The following FAM120A variants were observed in gnomAD, a reference collection of about 807,000 sequenced individuals.
FAM120A encodes family with sequence similarity 120 member A.
In FAM120A, 15 loss-of-function variants were observed where a neutral mutation model predicts 109.7. The observed-to-expected ratio is 0.14, with a 90% CI of 0.09 to 0.21. FAM120A has a LOEUF of 0.21. Among genes scored for constraint, FAM120A ranks in the 10% least tolerant of loss-of-function variants. FAM120A has a pLI of 1.00. For synonymous variants in FAM120A, 493 were observed against 572.8 expected (o/e 0.86, Z 1.99); for missense variants, 899 against 1,439.3 (o/e 0.62, Z 6.07).
At chr9:93,496,654 G>A (rs1007392195) in intron 3 of FAM120A, among the ~76,000 whole-genome samples, 2 of 152,156 alleles carry the variant, frequency 1.3e-5, no homozygotes, top group Admixed American at 1.3e-4. Flanking sequence ...ATCCAGGACA[G>A]GATTCTTATT....
Position 93,452,887 on chromosome 9 carries a change from G to A in FAM120A, c.474+498G>A. 5.5e-6 allele frequency: 8 copies of A among 1,445,758 alleles called. No individual in the cohort carries two copies. Among genetic ancestry groups the A allele is most frequent in the Non-Finnish European group, 6.3e-6 (7 of 1,107,670 alleles). 89.6% of individuals were successfully genotyped at this position (1,445,758 alleles called of 1,614,324 possible). A position where few individuals can be genotyped will look rare whatever the true frequency, so the allele number is the denominator to read the frequency against. ...TGCAAATATCAGTGCTGCTGCCGCC[G>A]CCCTTGCCAATGTTGTTAGCCCGGT... On this transcript the variant is annotated intron_variant, in intron 1 of 17. Coordinates refer to ENST00000277165, the MANE Select transcript of FAM120A (RefSeq NM_014612.5). The surrounding 1 kb of genome is among the most constrained non-coding windows in gnomAD (Gnocchi z 7.0).
chr9:93,518,394 C>A (rs1417898781), intron 7 of FAM120A, among the ~76,000 whole-genome samples: 2 of 152,096 alleles, frequency 1.3e-5, no homozygotes, highest in Non-Finnish European at 2.9e-5. Flanking sequence ...CATAAGAGAA[C>A]AAAGAATTGC....
intron 3 of FAM120A, among the ~76,000 whole-genome samples, chr9:93,483,966 A>T (rs973330161): frequency 2.6e-5 from 4 of 152,110 alleles, no homozygotes; most frequent in African/African-American, 9.7e-5. Flanking sequence ...TTAAAATAAA[A>T]CTGGAAAGCT....
chr9:93,553,419 A>G (rs1396880612), intron 12 of FAM120A, among the ~76,000 whole-genome samples: 1 of 152,252 alleles, frequency 6.6e-6, no homozygotes. Flanking sequence ...TGTCTGTGAT[A>G]CGTGTAAGAA....
intron 5 of FAM120A, among the ~76,000 whole-genome samples, chr9:93,501,421 A>G (rs1859796858): frequency 6.6e-6 from 1 of 152,222 alleles, no homozygotes; most frequent in Admixed American, 6.5e-5. Flanking sequence ...TGAGTATTTT[A>G]GAGGTGAAGT....
At chr9:93,464,750 A>AGGCAG (rs1564308167) in intron 1 of FAM120A, among the ~76,000 whole-genome samples, 1 of 152,226 alleles carries the variant, frequency 6.6e-6, no homozygotes, top group East Asian at 1.9e-4. Flanking sequence ...TTCAGCAAGG[A>AGGCAG]GGCAGCTCAT....
rs1287029465 is a variant in FAM120A, at chr9:93,452,074, C to T, written c.159C>T (p.Cys53=). Residue 53 remains cysteine, a synonymous_variant, in exon 1 of 18, where the codon TGC becomes TGT. Coordinates refer to ENST00000277165, the MANE Select transcript of FAM120A (RefSeq NM_014612.5). The surrounding 1 kb of genome is among the most constrained non-coding windows in gnomAD (Gnocchi z 7.0). The part of the protein sequence containing the change: ...PLRLLVDADN[C]LHRLYGGFYT... ...GCCTGCTGGTGGACGCCGACAACTGCCTGCACCGCCTCTACGGCGGCTTCT... is the reference window on the plus strand; with the variant it reads ...GCCTGCTGGTGGACGCCGACAACTGTCTGCACCGCCTCTACGGCGGCTTCT... The T allele has an allele frequency of 1.2e-6, 2 of 1,603,062 alleles. No individual in the cohort carries two copies. Among genetic ancestry groups the T allele is most frequent in the South Asian group, 2.2e-5 (2 of 89,866 alleles).
rs954908992 is a variant in FAM120A, at chr9:93,556,256, G to A, written c.2275-126G>A. ...TTAGGTCAATATAAGGTAATGGTAG[G>A]ACTACTTAGTGGTGCTGTTTTGTTG... On this transcript the variant is annotated intron_variant, in intron 12 of 17. Coordinates refer to ENST00000277165, the MANE Select transcript of FAM120A (RefSeq NM_014612.5). 4 of 700,196 alleles carry A rather than the reference G, an allele frequency of 5.7e-6. No homozygotes were observed. The Admixed American group carries it at 7.1e-5, about 12-fold the overall frequency. 43.4% of individuals were successfully genotyped at this position (700,196 alleles called of 1,614,324 possible). A position where few individuals can be genotyped will look rare whatever the true frequency, so the allele number is the denominator to read the frequency against.
intron 2 of FAM120A, 95 bp downstream of exon 2, chr9:93,471,482 A>T (rs1475728718): frequency 1.3e-6 from 2 of 1,484,228 alleles, no homozygotes; most frequent in African/African-American, 2.8e-5. Flanking sequence ...TGTTTTGGAT[A>T]TGTATCACAC....
intron 3 of FAM120A, among the ~76,000 whole-genome samples, chr9:93,484,196 C>G (rs902544624): frequency 2.0e-5 from 3 of 152,070 alleles, no homozygotes; most frequent in African/African-American, 7.2e-5. Flanking sequence ...GCTGGGACTA[C>G]AGGTGTGCGC....
intron 10 of FAM120A, among the ~76,000 whole-genome samples, chr9:93,542,462 C>G (rs1861738385): frequency 6.6e-6 from 1 of 152,126 alleles, no homozygotes; most frequent in Non-Finnish European, 1.5e-5. Flanking sequence ...GGAAAATGTG[C>G]ATGTTTATGT....
chr9:93,471,733 T>G (rs1036825073), intron 2 of FAM120A, among the ~76,000 whole-genome samples: 2 of 152,204 alleles, frequency 1.3e-5, no homozygotes, highest in Non-Finnish European at 2.9e-5. Flanking sequence ...TGACATAAAT[T>G]ATGTTTATAG....
chr9:93,452,107 C>T lies in FAM120A; in HGVS notation c.192C>T (p.Asp64=). 3 of 1,610,310 alleles carry T rather than the reference C, an allele frequency of 1.9e-6. No individual in the cohort carries two copies. Among genetic ancestry groups the T allele is most frequent in the Non-Finnish European group, 2.5e-6 (3 of 1,179,360 alleles). Residue 64 remains aspartate, a synonymous_variant, in exon 1 of 18, where the codon GAC becomes GAT. Coordinates refer to ENST00000277165, the MANE Select transcript of FAM120A (RefSeq NM_014612.5). The surrounding 1 kb of genome is among the most constrained non-coding windows in gnomAD (Gnocchi z 7.0). ...GCCTCTACGGCGGCTTCTACACCGA[C>T]TGGGTCAGCGGCGGCCAGTGGAACC... is the stretch of plus-strand genomic sequence containing the variant. ...LHRLYGGFYT[D]WVSGGQWNHM...
chr9:93,538,071 T>A (rs1861581342), intron 10 of FAM120A, among the ~76,000 whole-genome samples: 1 of 151,976 alleles, frequency 6.6e-6, no homozygotes, highest in South Asian at 2.1e-4. Context: ...TACTTGCCAA[T>A]CCTTGAGCTT....
At chr9:93,524,850 A>T (rs1861004512) in intron 7 of FAM120A, among the ~76,000 whole-genome samples, 2 of 152,218 alleles carry the variant, frequency 1.3e-5, no homozygotes, top group South Asian at 4.1e-4. Flanking sequence ...CACTGACTCT[A>T]CTTCCCTGTG....
At chr9:93,497,386 T>G in intron 3 of FAM120A, 85 bp from the exon 4 acceptor site, 2 of 1,534,618 alleles carry the variant, frequency 1.3e-6, no homozygotes, top group South Asian at 2.4e-5. Flanking sequence ...GGTAGCTCCT[T>G]GTTGAATTTC....
chr9:93,556,604 G>C lies in FAM120A; in HGVS notation c.2484+13G>C. ...CTGTGATGGTCAGGTATGCTGCGGGGCCGGGTGGCTGCCTTTAACTGCAAT... is the reference window on the plus strand; with the variant it reads ...CTGTGATGGTCAGGTATGCTGCGGGCCCGGGTGGCTGCCTTTAACTGCAAT... On this transcript the variant is annotated intron_variant, in intron 13 of 17. Transcript: ENST00000277165. The C allele has an allele frequency of 6.2e-7, 1 of 1,613,112 alleles. No individual in the cohort carries two copies. The highest frequency in any genetic ancestry group is 8.5e-7 in the Non-Finnish European group (1 of 1,179,066).
At chr9:93,518,250 G>A (rs546849901) in intron 7 of FAM120A, among the ~76,000 whole-genome samples, 1 of 152,158 alleles carries the variant, frequency 6.6e-6, no homozygotes, top group African/African-American at 2.4e-5. Context: ...TTGATCACAG[G>A]CATCCTTTGC....
At chr9:93,531,370 G>A (rs1338236349) in intron 9 of FAM120A, 1 of 152,170 alleles carries the variant, frequency 6.6e-6, no homozygotes, top group African/African-American at 2.4e-5. Context: ...ATGCATTGTT[G>A]TGCTCTGAGT....
Sources: allele counts gnomAD v4.1 joint callset (sites outside exome capture counted in the v4.1 genomes callset), GRCh38; gene constraint gnomAD v4.1.1; non-coding constraint Gnocchi (gnomAD v3.1); transcripts MANE v1.5; gene names NCBI Gene and HGNC (gene_info 2026-07-23, HGNC 2026-07-21).